The following NT5C2 variants were observed in gnomAD, a reference collection of about 807,000 sequenced individuals.
NT5C2 encodes cytosolic purine 5'-nucleotidase.
NT5C2 carries 58 observed loss-of-function variants against 76.1 expected under a neutral mutation model. The ratio of observed to expected loss-of-function variants is 0.76; its 90% confidence interval spans 0.62 to 0.95. The LOEUF is 0.95. Ranked by LOEUF, NT5C2 falls within the 40% of genes least tolerant of loss-of-function variation. The pLI, the probability that NT5C2 is intolerant of heterozygous loss-of-function variation, is 0.00. For missense variants in NT5C2, 478 were observed against 690.3 expected, an observed-to-expected ratio of 0.69 and a Z score of 3.45; for synonymous variants, 229 against 237.4, an observed-to-expected ratio of 0.96 and a Z score of 0.32.
At chr10:103,182,830 T>C (rs901915709) in intron 1 of NT5C2, among the ~76,000 whole-genome samples, 14 of 152,162 alleles carry the variant, frequency 9.2e-5, no homozygotes, top group African/African-American at 2.7e-4. Flanking sequence ...TAAACTAGTT[T>C]ATGGAAAAAC....
At chr10:103,107,073 C>T (rs1357595326) in intron 4 of NT5C2, among the ~76,000 whole-genome samples, 1 of 152,032 alleles carries the variant, frequency 6.6e-6, no homozygotes, top group Non-Finnish European at 1.5e-5. Flanking sequence ...AATAAAAGTA[C>T]ACAGAAAACT....
At chr10:103,124,185 G>T (rs544185093) in intron 4 of NT5C2, among the ~76,000 whole-genome samples, 1 of 151,852 alleles carries the variant, frequency 6.6e-6, no homozygotes, top group East Asian at 1.9e-4. Flanking sequence ...TCTATTAGAA[G>T]CATAATGACA....
chr10:103,152,117 A>G (rs2082513811), intron 3 of NT5C2, among the ~76,000 whole-genome samples: 1 of 152,218 alleles, frequency 6.6e-6, no homozygotes. Flanking sequence ...ATAGCTTTAT[A>G]AACAACCCTG....
intron 3 of NT5C2, among the ~76,000 whole-genome samples, chr10:103,148,603 CAAA>C (rs61288291): frequency 6.7e-5 from 8 of 120,164 alleles, no homozygotes; most frequent in East Asian, 4.7e-4. Context: ...GACTCCGTCT[CAAA>C]AAAAAAAAAA....
chr10:103,109,974 CT>C (rs2072518058), intron 4 of NT5C2, among the ~76,000 whole-genome samples: 2 of 152,182 alleles, frequency 1.3e-5, no homozygotes, highest in Non-Finnish European at 2.9e-5. Context: ...ACCGAAGTGA[CT>C]TTCTAGAAAT....
At chr10:103,171,553 C>T (rs1255248443) in intron 3 of NT5C2, among the ~76,000 whole-genome samples, 1 of 152,198 alleles carries the variant, frequency 6.6e-6, no homozygotes, top group East Asian at 1.9e-4. Flanking sequence ...CCTGTACTTA[C>T]TGCCGGCTTT....
chr10:103,105,710 TTATAAAG>T lies in NT5C2; in HGVS notation c.378_384del (p.Asn126LysfsTer26). 6.2e-7 allele frequency: 1 copy of T among 1,607,456 alleles called. No individual in the cohort carries two copies. On this transcript the variant is annotated frameshift_variant, in exon 6 of 19. Transcript: ENST00000404739. LOFTEE classifies it high-confidence loss of function. Reference sequence around the variant, plus strand: ...CTAAAGGTTCTCTGTACTCACCCCCTTATAAAGTTAAATCCATGTGCACAGACCAAGA... The same window carrying T: ...CTAAAGGTTCTCTGTACTCACCCCCTTTAAATCCATGTGCACAGACCAAGA...
intron 4 of NT5C2, among the ~76,000 whole-genome samples, chr10:103,138,226 C>G (rs1336675628): frequency 6.6e-6 from 1 of 152,112 alleles, no homozygotes; most frequent in African/African-American, 2.4e-5. Flanking sequence ...CTGCATATAC[C>G]CTAGGTACAG....
At chr10:103,187,759 C>T (rs961465100) in intron 1 of NT5C2, among the ~76,000 whole-genome samples, 1 of 152,020 alleles carries the variant, frequency 6.6e-6, no homozygotes, top group Non-Finnish European at 1.5e-5. Flanking sequence ...TAGAGATACA[C>T]AAATGCCTAA....
intron 4 of NT5C2, among the ~76,000 whole-genome samples, chr10:103,122,099 G>A (rs1447579071): frequency 1.3e-5 from 2 of 152,122 alleles, no homozygotes; most frequent in African/African-American, 4.8e-5. Flanking sequence ...GCTTGAATCC[G>A]GGAGGAGGGG....
chr10:103,186,807 G>T (rs2092073314), intron 1 of NT5C2, among the ~76,000 whole-genome samples: 1 of 152,016 alleles, frequency 6.6e-6, no homozygotes, highest in Admixed American at 6.5e-5. Context: ...CCAGCACTAG[G>T]GAGGCTGAGG....
intron 3 of NT5C2, chr10:103,153,307 T>C: frequency 7.8e-7 from 1 of 1,282,198 alleles, no homozygotes; most frequent in Non-Finnish European, 1.0e-6. Flanking sequence ...TTAGACATTC[T>C]CAAAGATCTA....
chr10:103,128,637 C>A (rs1380162926), intron 4 of NT5C2, among the ~76,000 whole-genome samples: 1 of 46,054 alleles, frequency 2.2e-5, no homozygotes, highest in Middle Eastern at 6.4e-3. Context: ...CTCTTCCCAG[C>A]CGCCATCACA....
At chr10:103,111,858 G>A (rs1278107837) in intron 4 of NT5C2, 1 of 1,134,358 alleles carries the variant, frequency 8.8e-7, no homozygotes, top group Non-Finnish European at 1.1e-6. Flanking sequence ...ACAAAAGCTG[G>A]TTTTAAAACT....
At chr10:103,130,449 C>G (rs2077924548) in intron 4 of NT5C2, among the ~76,000 whole-genome samples, 1 of 149,684 alleles carries the variant, frequency 6.7e-6, no homozygotes, top group Non-Finnish European at 1.5e-5. Context: ...CCTAGGAAAA[C>G]CAGAGACCTT....
intron 3 of NT5C2, among the ~76,000 whole-genome samples, chr10:103,163,399 T>C (rs533732015): frequency 6.6e-5 from 10 of 152,182 alleles, no homozygotes; most frequent in Non-Finnish European, 1.5e-4. Flanking sequence ...TCACGAGCAA[T>C]GTATGAGAAG....
At chr10:103,178,615 G>A (rs1182169930) in intron 2 of NT5C2, among the ~76,000 whole-genome samples, 5 of 151,908 alleles carry the variant, frequency 3.3e-5, no homozygotes, top group South Asian at 2.1e-4. Flanking sequence ...GGTGGATCAC[G>A]AGGTCAAGAG....
chr10:103,166,318 A>G (rs2134312658), intron 3 of NT5C2, among the ~76,000 whole-genome samples: 1 of 152,348 alleles, frequency 6.6e-6, no homozygotes, highest in Admixed American at 6.5e-5. Context: ...TACCCCTAGC[A>G]ACCATTAATT....
chr10:103,101,276 G>C lies in NT5C2; in HGVS notation c.440C>G (p.Thr147Ser), dbSNP rs2069566474. The change falls in exon 7 of 19, where the codon ACT becomes AGT. Residue 147 changes from threonine to serine, a missense_variant. By Grantham distance (58) the Thr-to-Ser change is moderately conservative (BLOSUM62 1). Transcript: ENST00000404739. Reference sequence around the variant, plus strand: ...TGTGTTCAGAATGTAAAATCTTTCAGTATCATCTCGCTGGATAAATTTATT... The same window carrying C: ...TGTGTTCAGAATGTAAAATCTTTCACTATCATCTCGCTGGATAAATTTATT... ...YPNKFIQRDDTERFYILNTLF... is the reference protein window; with the variant it reads ...YPNKFIQRDDSERFYILNTLF... 1 of 1,609,454 alleles carries C rather than the reference G, an allele frequency of 6.2e-7. No individual in the cohort carries two copies.
Sources: allele counts gnomAD v4.1 joint callset (sites outside exome capture counted in the v4.1 genomes callset), GRCh38; gene constraint gnomAD v4.1.1; transcripts MANE v1.5; gene names NCBI Gene and HGNC (gene_info 2026-07-23, HGNC 2026-07-21).